RCC1L: variants seen among roughly 807,000 people sequenced by gnomAD.
The protein encoded by RCC1L is RCC1-like G exchanging factor-like protein.
A neutral mutation model predicts 58.6 loss-of-function variants in RCC1L; 46 were observed. The ratio of observed to expected loss-of-function variants is 0.79; its 90% CI spans 0.62 to 1.00. The LOEUF (loss-of-function observed/expected upper bound fraction) is 1.00, where lower values mean the gene tolerates loss of function less well. Ranked by LOEUF, RCC1L falls within the 50% of genes least tolerant of loss-of-function variation. RCC1L has a pLI of 0.00. For synonymous variants in RCC1L, 281 were observed against 262.9 expected (o/e 1.07, Z -0.67); for missense variants, 636 against 623.6 (o/e 1.02, Z -0.21).
Position 75,071,826 on chromosome 7 carries a change from T to G in RCC1L, c.325-1057A>C, listed in dbSNP as rs1393319785. 9.9e-5 allele frequency among the ~76,000 whole-genome samples: 15 copies of G among 151,920 alleles called. No homozygotes were observed. In the Admixed American group the frequency reaches 9.9e-4, roughly 10 times the overall value. On this transcript the variant is annotated intron_variant, in intron 1 of 10. Coordinates refer to ENST00000610322, the MANE Select transcript of RCC1L (RefSeq NM_030798.5). ...AAGTAAAGATGATAATAGTACCATC[T>G]CTCTCACTAAGCTGTTGTGAAGACT...
At chr7:75,036,517 C>T (rs1455386193) in intron 10 of RCC1L, among the ~76,000 whole-genome samples, 3 of 152,148 alleles carry the variant, frequency 2.0e-5, no homozygotes, top group Non-Finnish European at 4.4e-5. Context: ...AGGCATCCTT[C>T]TCACCACCCC....
At chr7:75,032,684 C>T (rs1419270932) in intron 10 of RCC1L, among the ~76,000 whole-genome samples, 1 of 152,116 alleles carries the variant, frequency 6.6e-6, no homozygotes, top group Admixed American at 6.6e-5. Flanking sequence ...GCTGAATATT[C>T]TTCCATCACC....
rs954385983 is a variant in RCC1L, at chr7:75,044,466, G to A, written c.1318-1357C>T. Among the ~76,000 whole-genome samples the A allele has an allele frequency of 6.6e-4, 100 of 151,748 alleles. 1 individual carries two copies. The highest frequency in any genetic ancestry group is 1.3e-3 in the Non-Finnish European group (88 of 67,906). On this transcript the variant is annotated intron_variant, in intron 10 of 10. Coordinates refer to ENST00000610322, the MANE Select transcript of RCC1L (RefSeq NM_030798.5). ...ATACAAAAATTATCTGGGTGTGGTG[G>A]CGCACGCCTATAACCCCAGCTACTC...
At chr7:75,037,225 C>A (rs1805448864), downstream of RCC1L, among the ~76,000 whole-genome samples, 1 of 152,198 alleles carries the variant, frequency 6.6e-6, no homozygotes, top group Non-Finnish European at 1.5e-5. Context: ...CAATCTGTCA[C>A]CCCGGCTGGA....
At chr7:75,063,812 C>A (rs1017183902) in intron 4 of RCC1L, among the ~76,000 whole-genome samples, 4 of 151,840 alleles carry the variant, frequency 2.6e-5, no homozygotes, top group Non-Finnish European at 4.4e-5. Flanking sequence ...CCCAGCTATT[C>A]GGGAGGCTGA....
At chr7:75,069,204 T>C (rs587614333) in intron 2 of RCC1L, among the ~76,000 whole-genome samples, 1 of 151,470 alleles carries the variant, frequency 6.6e-6, no homozygotes, top group Admixed American at 6.6e-5. Context: ...TTTTTTCTTT[T>C]TTTTAAGAGA....
intron 2 of RCC1L, 138 bp from the exon 3 acceptor site, chr7:75,066,930 G>T: frequency 8.2e-7 from 1 of 1,213,180 alleles, no homozygotes; most frequent in Non-Finnish European, 1.1e-6. Context: ...GTTAGGCGCA[G>T]AGCAAGGACC....
chr7:75,033,560 T>C (rs914405599), intron 10 of RCC1L, among the ~76,000 whole-genome samples: 3,718 of 152,018 alleles, frequency 0.024, 81 homozygotes, highest in African/African-American at 0.047. Context: ...CCAGGCATGG[T>C]GGCAGCCACC....
intron 3 of RCC1L, among the ~76,000 whole-genome samples, chr7:75,065,798 A>G (rs1554445018): frequency 6.6e-6 from 1 of 152,030 alleles, no homozygotes; most frequent in Non-Finnish European, 1.5e-5. Context: ...TGGGCGGATC[A>G]CCTGAGGTCA....
downstream of RCC1L, among the ~76,000 whole-genome samples, chr7:75,037,985 T>C (rs926334861): frequency 1.7e-4 from 26 of 152,140 alleles, no homozygotes; most frequent in Non-Finnish European, 3.5e-4. Flanking sequence ...GAACCCTTGG[T>C]TGGTGCAGCA....
intron 1 of RCC1L, among the ~76,000 whole-genome samples, chr7:75,072,173 T>C (rs1459425518): frequency 9.0e-5 from 8 of 88,610 alleles, no homozygotes; most frequent in Admixed American, 4.2e-4. Context: ...TATATATATA[T>C]ATATATATAT....
At chr7:75,052,896 C>G in intron 9 of RCC1L, 100 bp from the exon 10 acceptor site, 1 of 1,080,902 alleles carries the variant, frequency 9.3e-7, no homozygotes. Flanking sequence ...AACCAGATAC[C>G]TACAGAGCCC....
At chr7:75,069,883 G>C (rs587706739) in intron 2 of RCC1L, among the ~76,000 whole-genome samples, 2 of 152,226 alleles carry the variant, frequency 1.3e-5, no homozygotes, top group East Asian at 3.9e-4. Flanking sequence ...GACTACAGGC[G>C]TGAGGCACCA....
chr7:75,050,531 G>A (rs1031877789), intron 10 of RCC1L, among the ~76,000 whole-genome samples: 6 of 152,132 alleles, frequency 3.9e-5, no homozygotes, highest in Non-Finnish European at 7.3e-5. Context: ...CCTCGTCAGC[G>A]TTCTTTCACC....
intron 10 of RCC1L, among the ~76,000 whole-genome samples, chr7:75,046,377 A>G (rs1013556080): frequency 3.3e-5 from 5 of 152,084 alleles, no homozygotes; most frequent in Admixed American, 2.0e-4. Context: ...CACTTTATTT[A>G]CCTTTCCCGG....
chr7:75,062,459 G>C (rs1584500585), intron 5 of RCC1L, among the ~76,000 whole-genome samples: 1 of 152,196 alleles, frequency 6.6e-6, no homozygotes, highest in Non-Finnish European at 1.5e-5. Flanking sequence ...AGTGAGCTAT[G>C]ATCGTGCCAC....
intron 10 of RCC1L, among the ~76,000 whole-genome samples, chr7:75,028,845 G>A (rs1805217241): frequency 6.6e-6 from 1 of 152,170 alleles, no homozygotes; most frequent in African/African-American, 2.4e-5. Context: ...CCTGACCCTG[G>A]TAGCTTCCCC....
intron 10 of RCC1L, among the ~76,000 whole-genome samples, chr7:75,032,429 C>T (rs1805328032): frequency 6.6e-6 from 1 of 152,222 alleles, no homozygotes; most frequent in South Asian, 2.1e-4. Context: ...GTGCTTCTGG[C>T]TACTGCCCTC....
intron 5 of RCC1L, among the ~76,000 whole-genome samples, chr7:75,062,772 G>C (rs993551532): frequency 2.0e-5 from 3 of 150,976 alleles, no homozygotes; most frequent in Non-Finnish European, 3.0e-5. Context: ...TTTTTAACTT[G>C]TTCACTCACT....
Sources: allele counts gnomAD v4.1 joint callset (sites outside exome capture counted in the v4.1 genomes callset), GRCh38; gene constraint gnomAD v4.1.1; transcripts MANE v1.5; gene names NCBI Gene and HGNC (gene_info 2026-07-23, HGNC 2026-07-21).